The following TBC1D31 variants were observed in gnomAD, a reference collection of about 807,000 sequenced individuals.
TBC1D31 encodes the protein WD repeat domain 67.
A neutral mutation model predicts 132.9 loss-of-function variants in TBC1D31; 99 were observed. The ratio of observed to expected loss-of-function variants is 0.74; its 90% CI spans 0.63 to 0.88. The LOEUF is 0.88. Among genes scored for constraint, TBC1D31 ranks in the 40% least tolerant of loss-of-function variants. The pLI, the probability that TBC1D31 is intolerant of heterozygous loss-of-function variation, is 0.00. For missense variants in TBC1D31, 1,134 were observed against 1,256.6 expected (o/e 0.90, Z 1.48); for synonymous variants, 385 against 419.4 (o/e 0.92, Z 1.00).
intron 1 of TBC1D31, chr8:123,073,430 G>A (rs768923640): frequency 1.3e-4 from 58 of 456,000 alleles, no homozygotes; most frequent in Admixed American, 2.8e-4. Context: ...ACATATCGGC[G>A]TGTATGTAGG....
intron 6 of TBC1D31, among the ~76,000 whole-genome samples, chr8:123,099,700 G>C (rs1374531108): frequency 6.6e-6 from 1 of 152,192 alleles, no homozygotes; most frequent in African/African-American, 2.4e-5. Context: ...CTGATAGCCA[G>C]TGTGGAGGCA....
At chr8:123,148,143 A>G (rs1822416615) in intron 20 of TBC1D31, among the ~76,000 whole-genome samples, 3 of 151,060 alleles carry the variant, frequency 2.0e-5, no homozygotes, top group Non-Finnish European at 4.4e-5. Flanking sequence ...AAAAAAAAAT[A>G]CAAACCTATA....
Position 123,126,520 on chromosome 8 carries a change from C to T in TBC1D31, c.1717C>T (p.Pro573Ser). 6.2e-7 allele frequency: 1 copy of T among 1,613,704 alleles called. No homozygotes were observed. Among genetic ancestry groups the T allele is most frequent in the Admixed American group, 1.7e-5 (1 of 59,924 alleles). Residue 573 changes from proline to serine, a missense_variant, in exon 13 of 22, where the codon CCT (proline) becomes TCT (serine). Transcript: ENST00000287380. Reference protein sequence around the residue: ...HDITSQLYAWPLLETVFSEVL... With the variant: ...HDITSQLYAWSLLETVFSEVL... ...TTATCTGTTTTAGCTATATGCATGG[C>T]CTCTTCTTGAAACTGTGTTCTCAGA...
intron 10 of TBC1D31, among the ~76,000 whole-genome samples, chr8:123,118,443 G>A (rs1819160940): frequency 6.6e-6 from 1 of 152,160 alleles, no homozygotes; most frequent in African/African-American, 2.4e-5. Context: ...GGTATTAGAA[G>A]TACATGTGGG....
At chr8:123,102,337 A>G in intron 7 of TBC1D31, 2 of 438,114 alleles carry the variant, frequency 4.6e-6, no homozygotes, top group South Asian at 3.3e-5. Context: ...GATTGGGTGC[A>G]TTTGGAGTGG....
rs1314629202 is a variant in TBC1D31, at chr8:123,084,231, C to G, written c.410C>G (p.Ser137Ter). Residue 137 changes from serine to a stop codon, truncating the protein, a stop_gained, in exon 4 of 22, where the codon TCA becomes TGA. Transcript: ENST00000287380. LOFTEE classifies it high-confidence loss of function. ...SSVFSISVHA[S>*]GKYAITTSSD... ...GTATTTTCGATCTCTGTGCATGCAT[C>G]AGGGAAATATGCCATCACAACTTCT... 6.2e-7 allele frequency: 1 copy of G among 1,614,106 alleles called. No individual in the cohort carries two copies. The highest frequency in any genetic ancestry group is 8.5e-7 in the Non-Finnish European group (1 of 1,180,000).
At chr8:123,159,283 AG>A in the TBC1D31 span, among the ~76,000 whole-genome samples, 3,215 of 116,692 alleles carry the variant, frequency 0.028, 138 homozygotes, top group African/African-American at 0.09. Context: ...AAAAAAAAAA[AG>A]AAAAAGAAAA....
chr8:123,105,615 T>C (rs550285846), intron 8 of TBC1D31, 151 bp downstream of exon 8: 5 of 733,342 alleles, frequency 6.8e-6, no homozygotes, highest in South Asian at 2.9e-5. Context: ...ATGCACAGGC[T>C]GGTCTCAATC....
intron 17 of TBC1D31, among the ~76,000 whole-genome samples, chr8:123,135,014 G>A (rs1350614410): frequency 1.3e-5 from 2 of 152,046 alleles, no homozygotes; most frequent in Admixed American, 6.6e-5. Context: ...ATTCTCCCAC[G>A]TCAGCCTCCC....
At chr8:123,139,132 T>TTC (rs1821385074) in intron 17 of TBC1D31, among the ~76,000 whole-genome samples, 1 of 151,844 alleles carries the variant, frequency 6.6e-6, no homozygotes, top group African/African-American at 2.4e-5. Context: ...TTTTTTTTTT[T>TTC]CAAACAGTCA....
Position 123,105,416 on chromosome 8 carries a change from A to G in TBC1D31, c.1161A>G (p.Gln387=). 6.2e-7 allele frequency: 1 copy of G among 1,612,794 alleles called. No homozygotes were observed. Among genetic ancestry groups the G allele is most frequent in the Non-Finnish European group, 8.5e-7 (1 of 1,179,412 alleles). The change falls in exon 8 of 22, where the codon CAA becomes CAG. Residue 387 remains glutamine, a synonymous_variant. Coordinates refer to ENST00000287380, the MANE Select transcript of TBC1D31 (RefSeq NM_145647.4). ...QPAKSRESKM[Q]TRILKQDLTG... ...CAAAATCTAGGGAAAGCAAAATGCA[A>G]ACTAGAATATTAAAACAAGACCTGA...
intron 4 of TBC1D31, among the ~76,000 whole-genome samples, chr8:123,091,155 G>T (rs1878776): frequency 0.046 from 7,064 of 151,980 alleles, 251 homozygotes; most frequent in Admixed American, 0.1. Context: ...TTTCTCAAGA[G>T]ATGACACTAT....
At position 123,118,048 on chromosome 8, in the gene TBC1D31, T is replaced by C. The variant is rs76665177; in HGVS notation, c.1437-2007T>C. 3.9e-3 allele frequency among the ~76,000 whole-genome samples: 588 copies of C among 152,270 alleles called. 2 individuals carry two copies. The highest frequency in any genetic ancestry group is 0.014 in the African/African-American group (565 of 41,538). ...ATCATAAGTATCAGACAAACCCAAA[T>C]TGAGGAACAATCTAGAAAATAACTG... On this transcript the variant is annotated intron_variant, in intron 10 of 21. Transcript: ENST00000287380.
downstream of TBC1D31, chr8:123,152,170 A>C: frequency 2.7e-6 from 1 of 366,864 alleles, no homozygotes; most frequent in Non-Finnish European, 4.7e-6. Context: ...TTAAGCTTTC[A>C]GGTTGCAGGG....
downstream of TBC1D31, among the ~76,000 whole-genome samples, chr8:123,152,833 C>T (rs528903641): frequency 8.5e-5 from 13 of 152,158 alleles, no homozygotes; most frequent in South Asian, 6.2e-4. Flanking sequence ...ATCACGCCAC[C>T]GCACTCCAGC....
chr8:123,077,722 G>A (rs528121381), intron 2 of TBC1D31, among the ~76,000 whole-genome samples: 1 of 152,160 alleles, frequency 6.6e-6, no homozygotes, highest in Non-Finnish European at 1.5e-5. Context: ...TTTGCACATT[G>A]TTGTTGTGGG....
At chr8:123,094,139 A>C (rs1281967197) in intron 5 of TBC1D31, among the ~76,000 whole-genome samples, 1 of 151,796 alleles carries the variant, frequency 6.6e-6, no homozygotes, top group African/African-American at 2.4e-5. Context: ...ATCTCAGCTC[A>C]CTGCAACCTC....
chr8:123,151,854 T>A lies in TBC1D31; in HGVS notation c.3116T>A (p.Leu1039His), dbSNP rs776646676. 1.3e-6 allele frequency: 2 copies of A among 1,590,850 alleles called. No homozygotes were observed. The highest frequency in any genetic ancestry group is 1.7e-6 in the Non-Finnish European group (2 of 1,173,098). The change falls in exon 22 of 22, where the codon CTT (leucine) becomes CAT (histidine). Residue 1039 changes from leucine to histidine, a missense_variant. Physicochemically the swap from Leu to His is moderately conservative, Grantham distance 99. Transcript: ENST00000287380. ...GAATGGGACACCACGGGACAGAATCTTATTAAGAAAGTGAGAAATCTTCGC... is the reference window on the plus strand; with the variant it reads ...GAATGGGACACCACGGGACAGAATCATATTAAGAAAGTGAGAAATCTTCGC... ...AVEWDTTGQN[L>H]IKKVRNLRQR...
intron 4 of TBC1D31, among the ~76,000 whole-genome samples, chr8:123,093,276 G>A (rs1816524357): frequency 6.6e-6 from 1 of 152,054 alleles, no homozygotes; most frequent in Admixed American, 6.5e-5. Flanking sequence ...AAGTAAAATT[G>A]ATACTCAAAA....
Sources: allele counts gnomAD v4.1 joint callset (sites outside exome capture counted in the v4.1 genomes callset), GRCh38; gene constraint gnomAD v4.1.1; transcripts MANE v1.5; gene names NCBI Gene and HGNC (gene_info 2026-07-23, HGNC 2026-07-21).